FILIP1: variants seen among roughly 807,000 people sequenced by gnomAD.
FILIP1 encodes filamin-A-interacting protein 1.
Under a neutral mutation model 102.1 loss-of-function variants are expected in FILIP1, and 61 were observed. That is an observed-to-expected ratio of 0.60 (90% confidence interval 0.49 to 0.74). The LOEUF (loss-of-function observed/expected upper bound fraction) is 0.74. FILIP1 is among the 30% of genes least tolerant of loss of function. FILIP1 has a pLI of 0.00. For synonymous variants in FILIP1, 491 were observed against 526.9 expected, an observed-to-expected ratio of 0.93 and a Z score of 0.93; for missense variants, 1,314 against 1,441.2, an observed-to-expected ratio of 0.91 and a Z score of 1.43.
intron 2 of FILIP1, among the ~76,000 whole-genome samples, chr6:75,390,988 T>C (rs1212281668): frequency 6.6e-6 from 1 of 152,138 alleles, no homozygotes; most frequent in Non-Finnish European, 1.5e-5. Flanking sequence ...CTCACTTGTA[T>C]GGTCATACCC....
At chr6:75,469,436 T>G (rs1480012677) in intron 1 of FILIP1, among the ~76,000 whole-genome samples, 4 of 152,096 alleles carry the variant, frequency 2.6e-5, no homozygotes, top group South Asian at 4.1e-4. Flanking sequence ...AGAAAAAGCT[T>G]GAAATGGTAT....
chr6:75,374,751 A>C (rs1775699131), intron 2 of FILIP1, among the ~76,000 whole-genome samples: 1 of 152,200 alleles, frequency 6.6e-6, no homozygotes, highest in Non-Finnish European at 1.5e-5. Flanking sequence ...ATTTTCTCAC[A>C]GTGGTTGTTT....
chr6:75,327,284 T>C (rs924477184), intron 4 of FILIP1, among the ~76,000 whole-genome samples: 4 of 152,148 alleles, frequency 2.6e-5, no homozygotes, highest in Non-Finnish European at 4.4e-5. Flanking sequence ...ACTTCTCACT[T>C]CCTCCATTGC....
At position 75,414,687 on chromosome 6, in the gene FILIP1, T is replaced by C. The variant is rs774454496; in HGVS notation, c.276+10A>G. 7 of 1,607,870 alleles carry C rather than the reference T, an allele frequency of 4.4e-6. No homozygotes were observed. The highest frequency in any genetic ancestry group is 3.4e-5 in the Admixed American group (2 of 59,228). The stretch of plus-strand genomic sequence containing the variant: ...AAGACACAATAACAGTTGGGAAAGT[T>C]TGACTCTACCTGCAACTCCCCTTCC... On this transcript the variant is annotated intron_variant, in intron 2 of 5. Transcript: ENST00000237172.
In FILIP1 at chr6:75,312,515, C is replaced by T; in HGVS notation, c.3317G>A (p.Gly1106Asp). ...NVTAEKEVST[G>D]TVLRSPRNHL... The stretch of plus-strand genomic sequence containing the variant: ...ATTCCTGGGAGAGCGAAGGACAGTG[C>T]CGGTGGAAACCTCCTTTTCGGCTGT... The change falls in exon 5 of 6, where the codon GGC becomes GAC. Residue 1106 changes from glycine to aspartate, a missense_variant. This residue lies in a region of FILIP1 where 816 missense variants were observed against 913.1 expected (regional missense o/e 0.89). Transcript: ENST00000237172. 1.2e-6 allele frequency: 2 copies of T among 1,614,154 alleles called. No homozygotes were observed. The highest frequency in any genetic ancestry group is 1.7e-6 in the Non-Finnish European group (2 of 1,180,032).
chr6:75,415,234 T>G (rs1777222548), intron 1 of FILIP1, among the ~76,000 whole-genome samples: 1 of 152,062 alleles, frequency 6.6e-6, no homozygotes, highest in Non-Finnish European at 1.5e-5. Flanking sequence ...TGCTGTTACA[T>G]AGCCCCCATA....
chr6:75,354,012 T>C (rs1396762753), intron 3 of FILIP1, among the ~76,000 whole-genome samples: 1 of 152,224 alleles, frequency 6.6e-6, no homozygotes, highest in Non-Finnish European at 1.5e-5. Context: ...TTATCCATTC[T>C]ACTGTTGATG....
At chr6:75,489,918 T>G (rs770688844) in intron 1 of FILIP1, among the ~76,000 whole-genome samples, 17 of 152,100 alleles carry the variant, frequency 1.1e-4, no homozygotes, top group African/African-American at 1.7e-4. Context: ...ACCTTTCTGT[T>G]GAAATAAATC....
chr6:75,326,072 A>C (rs991002424), intron 4 of FILIP1, among the ~76,000 whole-genome samples: 1 of 138,604 alleles, frequency 7.2e-6, no homozygotes, highest in Admixed American at 7.2e-5. Context: ...GATAGATGAT[A>C]GATAGATAGA....
At chr6:75,297,945 C>T (rs553085635) in intron 6 of FILIP1, among the ~76,000 whole-genome samples, 7 of 152,176 alleles carry the variant, frequency 4.6e-5, no homozygotes, top group Non-Finnish European at 7.4e-5. Flanking sequence ...TCAGGGTTAA[C>T]ATTTTGTATT....
chr6:75,425,668 T>C (rs140251336), intron 1 of FILIP1, among the ~76,000 whole-genome samples: 124 of 152,258 alleles, frequency 8.1e-4, no homozygotes, highest in African/African-American at 2.8e-3. Flanking sequence ...ACATGTATTC[T>C]GTAATGCTGG....
At chr6:75,403,196 T>C (rs1776713390) in intron 2 of FILIP1, among the ~76,000 whole-genome samples, 1 of 152,096 alleles carries the variant, frequency 6.6e-6, no homozygotes, top group Non-Finnish European at 1.5e-5. Context: ...ACAGAGGAAG[T>C]GAGCCTTCAG....
At chr6:75,319,004 GAAA>G (rs921698244) in intron 4 of FILIP1, 3 of 646,218 alleles carry the variant, frequency 4.6e-6, no homozygotes, top group Middle Eastern at 5.0e-4. Flanking sequence ...TTATAGACAT[GAAA>G]AAAAACTGTG....
intron 3 of FILIP1, among the ~76,000 whole-genome samples, chr6:75,361,327 G>A (rs1010243361): frequency 2.6e-5 from 4 of 152,162 alleles, no homozygotes; most frequent in South Asian, 2.1e-4. Context: ...CTGGGTAAGC[G>A]TGTATGCTCT....
At chr6:75,493,197 T>C (rs868575482) in intron 1 of FILIP1, among the ~76,000 whole-genome samples, 4 of 152,332 alleles carry the variant, frequency 2.6e-5, no homozygotes, top group African/African-American at 9.6e-5. Context: ...CATAAAATTA[T>C]GTGTTTAAAA....
chr6:75,454,656 T>C (rs1018603396), intron 1 of FILIP1, among the ~76,000 whole-genome samples: 4 of 152,192 alleles, frequency 2.6e-5, no homozygotes, highest in African/African-American at 9.7e-5. Context: ...TGAAGTCCCA[T>C]GTCTTTTCTT....
chr6:75,432,745 G>A lies in FILIP1; in HGVS notation c.-6-17767C>T, dbSNP rs976822381. Among the ~76,000 whole-genome samples, 44 of 151,550 alleles carry A rather than the reference G, an allele frequency of 2.9e-4. 1 individual carries two copies. The highest frequency in any genetic ancestry group is 2.1e-3 in the Admixed American group (32 of 15,204). On this transcript the variant is annotated intron_variant, in intron 1 of 5. Coordinates refer to ENST00000237172, the MANE Select transcript of FILIP1 (RefSeq NM_015687.5). ...TGTGCATAACATGCAGGTTTGTTAC[G>A]TATGTATACATGTGCCATGTTGGTG...
intron 4 of FILIP1, among the ~76,000 whole-genome samples, chr6:75,341,205 G>A (rs1456061050): frequency 1.3e-5 from 2 of 150,896 alleles, no homozygotes; most frequent in Admixed American, 6.6e-5. Context: ...CTGTTACCCA[G>A]GCTGGAGTGC....
intron 1 of FILIP1, among the ~76,000 whole-genome samples, chr6:75,454,605 C>G (rs766529736): frequency 1.3e-5 from 2 of 152,280 alleles, no homozygotes; most frequent in African/African-American, 4.8e-5. Flanking sequence ...TGGAATACTG[C>G]TAACCAAAAT....
Sources: allele counts gnomAD v4.1 joint callset (sites outside exome capture counted in the v4.1 genomes callset), GRCh38; gene constraint gnomAD v4.1.1; regional missense constraint gnomAD v4.1.1; transcripts MANE v1.5; gene names NCBI Gene and HGNC (gene_info 2026-07-23, HGNC 2026-07-21).